The following NHP2 variants were observed in gnomAD, a reference collection of about 807,000 sequenced individuals.
NHP2 encodes H/ACA ribonucleoprotein complex subunit 2.
In NHP2, 10 loss-of-function variants were observed where a neutral mutation model predicts 16.7. The ratio of observed to expected loss-of-function variants is 0.60; its 90% CI spans 0.37 to 1.01. The LOEUF is 1.01. Among genes scored for constraint, NHP2 ranks in the 50% least tolerant of loss-of-function variants. NHP2 has a pLI of 0.01. For missense variants in NHP2, 184 were observed against 198.3 expected, an observed-to-expected ratio of 0.93 and a Z score of 0.43; for synonymous variants, 87 against 78.9, an observed-to-expected ratio of 1.10 and a Z score of -0.54.
rs946741435 is a variant in NHP2 at position 178,153,492 on chromosome 5, C to T, written c.229G>A (p.Gly77Arg). ...ATCCAGAGGAAGGAAGGTTCTTACC[C>T]TTTTTCTCCTTTGTTGACAAATTTC... Reference protein sequence around the residue: ...VQKFVNKGEKGIMVLAGDTLP... With the variant: ...VQKFVNKGEKRIMVLAGDTLP... The change falls in exon 2 of 4, where the codon GGG (glycine) becomes AGG (arginine). Residue 77 changes from glycine (G) to arginine (R), a missense_variant and splice_region_variant. Transcript: ENST00000274606. 1 of 1,614,174 alleles carries T rather than the reference C, an allele frequency of 6.2e-7. No individual in the cohort carries two copies.
At chr5:178,151,083 G>T in intron 2 of NHP2, 90 bp from the exon 3 acceptor site, 1 of 1,106,532 alleles carries the variant, frequency 9.0e-7, no homozygotes, top group Non-Finnish European at 1.4e-6. Context: ...TAGGGATAGA[G>T]ACAAAATTGT....
intron 2 of NHP2, chr5:178,153,076 AC>A: frequency 3.1e-6 from 1 of 325,630 alleles, no homozygotes; most frequent in Non-Finnish European, 6.0e-6. Flanking sequence ...TGAGAGCTAG[AC>A]CCATCTCAAA....
chr5:178,149,968 A>G, intron 3 of NHP2, 130 bp from the exon 4 acceptor site: 2 of 1,001,272 alleles, frequency 2.0e-6, no homozygotes. Context: ...TTCTATTTAA[A>G]AGCATCTTGA....
chr5:178,150,057 A>G, intron 3 of NHP2: 1 of 471,178 alleles, frequency 2.1e-6, no homozygotes. Context: ...CCACATGGCA[A>G]CTATGAAAGG....
rs147575606 is a variant in NHP2, at chr5:178,149,866, GA to G, written c.337-29del. On this transcript the variant is annotated intron_variant, in intron 3 of 3. Transcript: ENST00000274606. ...ACAGAGGGGAAAGAAGTGCTGTTTG[GA>G]AAAAAGCTGTACAACCTGTATGCCA... The G allele has an allele frequency of 0.024, 39,285 of 1,609,734 alleles. 541 individuals carry two copies. Among genetic ancestry groups the G allele is most frequent in the Middle Eastern group, 0.056 (341 of 6,036 alleles).
At chr5:178,153,604 C>A (rs1431058582) in intron 1 of NHP2, 44 bp from the exon 2 acceptor site, 5 of 1,613,520 alleles carry the variant, frequency 3.1e-6, no homozygotes, top group Middle Eastern at 1.6e-4. Context: ...CTCAGCCACC[C>A]GCGCACCCAT....
rs1242630722 is a variant in NHP2, at chr5:178,149,782, G to T, written c.393C>A (p.Pro131=). ...CGTAAGCCTCCTGGTACTCCTCATG[G>T]GGCTTGACCATTATCACACAGGTGG... is the stretch of plus-strand genomic sequence containing the variant. ...KRPTCVIMVK[P]HEEYQEAYDE... The change falls in exon 4 of 4, where the codon CCC becomes CCA. Residue 131 remains proline (P), a synonymous_variant. Coordinates refer to ENST00000274606, the MANE Select transcript of NHP2 (RefSeq NM_017838.4). 7.4e-6 allele frequency: 12 copies of T among 1,613,942 alleles called. No homozygotes were observed. Among genetic ancestry groups the T allele is most frequent in the Non-Finnish European group, 1.0e-5 (12 of 1,179,960 alleles).
At position 178,153,482 on chromosome 5, in the gene NHP2, G is replaced by A. The variant is rs893913020; in HGVS notation, c.230+9C>T. 6.2e-7 allele frequency: 1 copy of A among 1,613,810 alleles called. No homozygotes were observed. Among genetic ancestry groups the A allele is most frequent in the Non-Finnish European group, 8.5e-7 (1 of 1,179,726 alleles). On this transcript the variant is annotated intron_variant, in intron 2 of 3. Transcript: ENST00000274606. ...GAAATGCAAAATCCAGAGGAAGGAAGGTTCTTACCCTTTTTCTCCTTTGTT... is the reference window on the plus strand; with the variant it reads ...GAAATGCAAAATCCAGAGGAAGGAAAGTTCTTACCCTTTTTCTCCTTTGTT...
At chr5:178,150,160 A>T in intron 3 of NHP2, 1 of 278,892 alleles carries the variant, frequency 3.6e-6, no homozygotes, top group Non-Finnish European at 6.9e-6. Context: ...GGACAGCTAC[A>T]GGTCCCTCTG....
In NHP2 at chr5:178,153,648, T is replaced by A. The variant is rs376220034; in HGVS notation, c.160+10A>T. The A allele has an allele frequency of 1.1e-3, 1,834 of 1,613,666 alleles. 5 individuals carry two copies. Among genetic ancestry groups the A allele is most frequent in the Non-Finnish European group, 1.5e-3 (1,770 of 1,179,822 alleles). On this transcript the variant is annotated intron_variant, in intron 1 of 3. Transcript: ENST00000274606. Reference sequence around the variant, plus strand: ...CGCACCCATCCCGGCCACGCCGCCGTCCGCCTCACCTTTCTTGATGCATTT... The same window carrying A: ...CGCACCCATCCCGGCCACGCCGCCGACCGCCTCACCTTTCTTGATGCATTT...
chr5:178,151,052 G>A (rs1159846849), intron 2 of NHP2, 59 bp from the exon 3 acceptor site: 5 of 1,425,966 alleles, frequency 3.5e-6, no homozygotes, highest in Admixed American at 1.7e-5. Context: ...TCAGTTTTAA[G>A]TGCTGCCCTG....
intron 2 of NHP2, chr5:178,153,154 G>A (rs1262698487): frequency 4.7e-6 from 2 of 424,252 alleles, no homozygotes; most frequent in Non-Finnish European, 8.8e-6. Context: ...CCCTAGGACT[G>A]AGATTCAGGG....
chr5:178,153,346 G>T, intron 2 of NHP2, 145 bp downstream of exon 2: 2 of 792,256 alleles, frequency 2.5e-6, no homozygotes, highest in South Asian at 2.8e-5. Context: ...TACCGGTATT[G>T]TACCAAAGGG....
chr5:178,150,681 G>T (rs1397418454), intron 3 of NHP2: 6 of 709,258 alleles, frequency 8.5e-6, no homozygotes, highest in Non-Finnish European at 1.5e-5. Context: ...CAGCGCCTGG[G>T]CTGGGATTCC....
Position 178,149,787 on chromosome 5 carries a change from T to A in NHP2, c.388A>T (p.Lys130Ter). The change falls in exon 4 of 4, where the codon AAG becomes TAG. Residue 130 changes from lysine (K) to a stop codon, truncating the protein, a stop_gained. Coordinates refer to ENST00000274606, the MANE Select transcript of NHP2 (RefSeq NM_017838.4). LOFTEE classifies it high-confidence loss of function. ...SKRPTCVIMV[K>*]PHEEYQEAYD... ...GCCTCCTGGTACTCCTCATGGGGCT[T>A]GACCATTATCACACAGGTGGGGCGC... is the stretch of plus-strand genomic sequence containing the variant. The A allele has an allele frequency of 1.2e-6, 2 of 1,614,060 alleles. No individual in the cohort carries two copies. The highest frequency in any genetic ancestry group is 1.7e-6 in the Non-Finnish European group (2 of 1,179,948).
Position 178,150,578 on chromosome 5 carries a change from T to C in NHP2, c.336+310A>G, listed in dbSNP as rs59721371. On this transcript the variant is annotated intron_variant, in intron 3 of 3. Coordinates refer to ENST00000274606, the MANE Select transcript of NHP2 (RefSeq NM_017838.4). The stretch of plus-strand genomic sequence containing the variant: ...AAATTTTTTTTGTAGAGATGGAGTC[T>C]CACTTTGTTGCGCAGGTTATTCCTG... The C allele has an allele frequency of 4.9e-4, 235 of 480,434 alleles. 1 individual carries two copies. Among genetic ancestry groups the C allele is most frequent in the East Asian group, 4.6e-3 (101 of 21,838 alleles). 29.8% of individuals were successfully genotyped at this position (480,434 alleles called of 1,614,324 possible).
At chr5:178,150,728 CA>C (rs1756254242) in intron 3 of NHP2, 159 bp downstream of exon 3, 1 of 765,732 alleles carries the variant, frequency 1.3e-6, no homozygotes, top group Admixed American at 1.7e-5. Flanking sequence ...CAAGAAGTAA[CA>C]TATCTGTAGT....
At chr5:178,150,230 T>A (rs1328378059) in intron 3 of NHP2, 1 of 218,590 alleles carries the variant, frequency 4.6e-6, no homozygotes, top group Non-Finnish European at 9.3e-6. Flanking sequence ...CAAAGCTCTT[T>A]CACATACATC....
chr5:178,152,987 C>G (rs929687162), intron 2 of NHP2, among the ~76,000 whole-genome samples: 1 of 152,234 alleles, frequency 6.6e-6, no homozygotes, highest in Admixed American at 6.5e-5. Flanking sequence ...ATTCGGGAGG[C>G]TGAGGTGGGA....
Sources: allele counts gnomAD v4.1 joint callset (sites outside exome capture counted in the v4.1 genomes callset), GRCh38; gene constraint gnomAD v4.1.1; transcripts MANE v1.5; gene names NCBI Gene and HGNC (gene_info 2026-07-23, HGNC 2026-07-21).